Variants in BRINP3 observed in about 807,000 individuals in gnomAD.
The protein encoded by BRINP3 is BMP/retinoic acid inducible neural specific 3, also known as BMP/retinoic acid-inducible neural-specific protein 3.
Under a neutral mutation model 71.0 loss-of-function variants are expected in BRINP3, and 19 were observed. That is an observed-to-expected ratio of 0.27 (90% CI 0.19 to 0.39). The LOEUF is 0.39. Among genes scored for constraint, BRINP3 ranks in the 10% least tolerant of loss-of-function variants. The probability of loss-of-function intolerance (pLI) is 1.00; values close to 1 mark genes in which losing one functional copy is unlikely to be tolerated. For missense variants in BRINP3, 959 were observed against 940.8 expected (o/e 1.02, Z -0.25); for synonymous variants, 380 against 337.7 (o/e 1.13, Z -1.37).
intron 6 of BRINP3, 67 bp downstream of exon 6, chr1:190,226,015 C>A (rs1168562341): frequency 7.5e-6 from 8 of 1,064,322 alleles, no homozygotes; most frequent in Admixed American, 2.6e-5. Flanking sequence ...TGAAAAAGGA[C>A]AAATTAGCCA....
chr1:190,297,461 C>T (rs1030628117), intron 2 of BRINP3, among the ~76,000 whole-genome samples: 1 of 151,990 alleles, frequency 6.6e-6, no homozygotes. Flanking sequence ...TTGTTTACAA[C>T]CTTAATGGGA....
chr1:190,335,128 T>A (rs980718373), intron 2 of BRINP3, among the ~76,000 whole-genome samples: 8 of 151,884 alleles, frequency 5.3e-5, no homozygotes, highest in Non-Finnish European at 7.4e-5. Context: ...GGAGAATTCT[T>A]TTAAAGACTT....
chr1:190,448,236 T>A (rs1675358841), intron 2 of BRINP3, among the ~76,000 whole-genome samples: 1 of 151,654 alleles, frequency 6.6e-6, no homozygotes, highest in Non-Finnish European at 1.5e-5. Flanking sequence ...TAGTTTTAAA[T>A]TTGCATTCTT....
At chr1:190,182,162 G>A (rs1653086333) in intron 6 of BRINP3, among the ~76,000 whole-genome samples, 1 of 151,784 alleles carries the variant, frequency 6.6e-6, no homozygotes, top group Non-Finnish European at 1.5e-5. Context: ...TCTTGGTGTG[G>A]ATTTCTTTGT....
Position 190,267,058 on chromosome 1 carries a change from T to G in BRINP3, c.428-2003A>C, listed in dbSNP as rs534364782. Among the ~76,000 whole-genome samples the G allele has an allele frequency of 2.4e-4, 37 of 152,204 alleles. No homozygotes were observed. In the South Asian group the frequency reaches 7.7e-3, roughly 32 times the overall value. On this transcript the variant is annotated intron_variant, in intron 3 of 7. Transcript: ENST00000367462. ...AGATACAGGAGCAATAGACATACACTGATATTATGAGACTTCAACACATAT... is the reference window on the plus strand; with the variant it reads ...AGATACAGGAGCAATAGACATACACGGATATTATGAGACTTCAACACATAT...
chr1:190,432,663 C>T (rs1465551030), intron 2 of BRINP3, among the ~76,000 whole-genome samples: 1 of 152,172 alleles, frequency 6.6e-6, no homozygotes. Context: ...TGAATTAAAG[C>T]TTCTGAGTCT....
rs780878224 is a variant in BRINP3 at position 190,099,044 on chromosome 1, C to T, written c.1275G>A (p.Ser425=). The change falls in exon 8 of 8, where the codon TCG becomes TCA. Residue 425 remains serine, a synonymous_variant. Coordinates refer to ENST00000367462, the MANE Select transcript of BRINP3 (RefSeq NM_199051.3). ...LLGSFSEETH[S]CTCPNDQVVC... is the part of the protein sequence containing the mutation. ...CCACCTGGTCATTCGGACACGTGCACGAGTGCGTCTCTTCTGAAAAGCTGC... is the reference window on the plus strand; with the variant it reads ...CCACCTGGTCATTCGGACACGTGCATGAGTGCGTCTCTTCTGAAAAGCTGC... 27 of 1,614,138 alleles carry T rather than the reference C, an allele frequency of 1.7e-5. No individual in the cohort carries two copies. The highest frequency in any genetic ancestry group is 2.2e-5 in the East Asian group (1 of 44,862).
At chr1:190,439,785 T>G (rs1674697106) in intron 2 of BRINP3, among the ~76,000 whole-genome samples, 1 of 151,998 alleles carries the variant, frequency 6.6e-6, no homozygotes, top group Non-Finnish European at 1.5e-5. Flanking sequence ...CCTCTTATAA[T>G]GTCAATAATA....
chr1:190,354,535 C>CATATATGT (rs1016964236), intron 2 of BRINP3, among the ~76,000 whole-genome samples: 3 of 151,896 alleles, frequency 2.0e-5, no homozygotes, highest in African/African-American at 7.2e-5. Context: ...CTTTGTACTA[C>CATATATGT]AGAAATTAAA....
In BRINP3 at chr1:190,358,487, G is replaced by A. The variant is rs186643328; in HGVS notation, c.237-76737C>T. Among the ~76,000 whole-genome samples the A allele has an allele frequency of 5.7e-4, 87 of 152,178 alleles. 1 individual carries two copies. The East Asian group carries it at 9.7e-3, about 17-fold the overall frequency. ...ATAACATCTCACACCAGTTAGAATC[G>A]CGATCATTAAAAAGTCAGGGAACAA... On this transcript the variant is annotated intron_variant, in intron 2 of 7. Coordinates refer to ENST00000367462, the MANE Select transcript of BRINP3 (RefSeq NM_199051.3).
chr1:190,231,351 T>G (rs1333229638), intron 5 of BRINP3, among the ~76,000 whole-genome samples: 3 of 151,830 alleles, frequency 2.0e-5, no homozygotes, highest in Non-Finnish European at 4.4e-5. Context: ...TCATGAACCA[T>G]CATTAAAAAT....
chr1:190,277,084 G>GC (rs1662618172), intron 3 of BRINP3, among the ~76,000 whole-genome samples: 1 of 9,418 alleles, frequency 1.1e-4, no homozygotes, highest in Non-Finnish European at 3.7e-4. Flanking sequence ...ATAAATTTTG[G>GC]TTTTATATAT....
intron 5 of BRINP3, among the ~76,000 whole-genome samples, chr1:190,230,086 G>A (rs2102719346): frequency 6.6e-6 from 1 of 151,932 alleles, no homozygotes; most frequent in East Asian, 1.9e-4. Flanking sequence ...GATAATTAGG[G>A]AACTGAAATA....
At chr1:190,461,560 A>G (rs912656499) in intron 1 of BRINP3, among the ~76,000 whole-genome samples, 4 of 152,198 alleles carry the variant, frequency 2.6e-5, no homozygotes, top group African/African-American at 9.7e-5. Flanking sequence ...AATTGCTCCT[A>G]TCTTAATGAC....
At chr1:190,122,014 A>G (rs140518443) in intron 7 of BRINP3, among the ~76,000 whole-genome samples, 199 of 152,322 alleles carry the variant, frequency 1.3e-3, no homozygotes, top group Non-Finnish European at 1.5e-4. Flanking sequence ...TGTGAAGAAT[A>G]TTATATTACA....
At chr1:190,159,595 G>A (rs578001455) in intron 7 of BRINP3, among the ~76,000 whole-genome samples, 28 of 152,052 alleles carry the variant, frequency 1.8e-4, no homozygotes, top group African/African-American at 6.3e-4. Context: ...TATATTGTAC[G>A]ATCCCATTTA....
intron 6 of BRINP3, among the ~76,000 whole-genome samples, chr1:190,213,103 C>T (rs2102656714): frequency 6.6e-6 from 1 of 152,034 alleles, no homozygotes; most frequent in South Asian, 2.1e-4. Flanking sequence ...CATGAGGAAA[C>T]AGCTGGGAAA....
At chr1:190,403,999 T>C (rs1330913829) in intron 2 of BRINP3, among the ~76,000 whole-genome samples, 1 of 152,218 alleles carries the variant, frequency 6.6e-6, no homozygotes, top group Non-Finnish European at 1.5e-5. Context: ...TGCCAGATAA[T>C]GTACCCACCT....
chr1:190,373,488 A>AT (rs1669998569), intron 2 of BRINP3, among the ~76,000 whole-genome samples: 2 of 151,020 alleles, frequency 1.3e-5, no homozygotes, highest in East Asian at 3.9e-4. Context: ...ATGTGTGTGT[A>AT]TATGTGTATA....
Sources: gnomAD v4.1 joint callset for allele counts (sites outside exome capture counted in the v4.1 genomes callset) on GRCh38, gnomAD v4.1.1 for gene constraint, MANE v1.5 for transcripts, NCBI Gene and HGNC (gene_info 2026-07-23, HGNC 2026-07-21) for gene names.